ZBTB40: variants seen among roughly 807,000 people sequenced by gnomAD.
ZBTB40 encodes the protein zinc finger and BTB domain-containing protein 40.
In ZBTB40, 60 loss-of-function variants were observed where a neutral mutation model predicts 117.5. The observed-to-expected ratio is 0.51, with a 90% confidence interval of 0.41 to 0.63. The LOEUF (loss-of-function observed/expected upper bound fraction) is 0.63. ZBTB40 is among the 30% of genes least tolerant of loss of function. The pLI, the probability that ZBTB40 is intolerant of heterozygous loss-of-function variation, is 0.00. For missense variants in ZBTB40, 1,287 were observed against 1,498.5 expected (o/e 0.86, Z 2.33); for synonymous variants, 525 against 577.1 (o/e 0.91, Z 1.29).
intron 13 of ZBTB40, among the ~76,000 whole-genome samples, chr1:22,519,374 A>G (rs1639461626): frequency 6.6e-6 from 1 of 152,204 alleles, no homozygotes; most frequent in African/African-American, 2.4e-5. Context: ...TGGATTTGGG[A>G]GTGAGAGATG....
At chr1:22,507,466 A>G (rs1251517574) in intron 6 of ZBTB40, among the ~76,000 whole-genome samples, 1 of 152,238 alleles carries the variant, frequency 6.6e-6, no homozygotes, top group Non-Finnish European at 1.5e-5. Flanking sequence ...AGAAAAGGGT[A>G]CATTTTTAAT....
intron 1 of ZBTB40, among the ~76,000 whole-genome samples, chr1:22,433,431 T>TGAAAAAAAAAAAAAAAA (rs1557469690): frequency 2.3e-4 from 1 of 4,302 alleles, no homozygotes; most frequent in Non-Finnish European, 6.4e-4. Flanking sequence ...AGACGCCCTC[T>TGAAAAAAAAAAAAAAAA]CAAAAAAAAA....
intron 1 of ZBTB40, among the ~76,000 whole-genome samples, chr1:22,487,830 C>G: frequency 6.6e-6 from 1 of 152,074 alleles, no homozygotes; most frequent in African/African-American, 2.4e-5. Flanking sequence ...TTAGGATAAC[C>G]TCCAAGCTCG....
At chr1:22,467,821 C>T (rs1163311681) in intron 1 of ZBTB40, among the ~76,000 whole-genome samples, 2 of 145,934 alleles carry the variant, frequency 1.4e-5, no homozygotes, top group African/African-American at 5.1e-5. Flanking sequence ...AGGCTGGGCA[C>T]AGTAGCTTAT....
chr1:22,524,171 A>G, intron 16 of ZBTB40, 47 bp from the exon 17 acceptor site: 2 of 1,578,484 alleles, frequency 1.3e-6, no homozygotes, highest in Non-Finnish European at 1.7e-6. Context: ...CATTTTACCC[A>G]GAGAATTTTA....
chr1:22,481,826 T>C (rs1638330119), intron 1 of ZBTB40, among the ~76,000 whole-genome samples: 1 of 138,526 alleles, frequency 7.2e-6, no homozygotes, highest in African/African-American at 2.6e-5. Flanking sequence ...TCACATTACA[T>C]TGGTGTAATT....
At chr1:22,449,113 C>T (rs1049210140), upstream of ZBTB40, among the ~76,000 whole-genome samples, 4 of 152,122 alleles carry the variant, frequency 2.6e-5, no homozygotes, top group African/African-American at 7.2e-5. Flanking sequence ...CGCAGCCGGC[C>T]GGTTGTTATT....
At chr1:22,512,260 T>C (rs938915658) in intron 11 of ZBTB40, 126 bp downstream of exon 11, 1 of 1,054,980 alleles carries the variant, frequency 9.5e-7, no homozygotes, top group Non-Finnish European at 1.4e-6. Context: ...AGCAGGTTCC[T>C]ACAGAGGCAG....
Position 22,511,656 on chromosome 1 carries a change from G to C in ZBTB40, c.2003-20G>C. ...AGAAACAGAGAGTTCGCAGAGCCAC[G>C]AGATGTCTCTTTTATGCAGGTGTCC... On this transcript the variant is annotated intron_variant, in intron 10 of 17. Transcript: ENST00000375647. 10 of 1,610,348 alleles carry C rather than the reference G, an allele frequency of 6.2e-6. No homozygotes were observed. Among genetic ancestry groups the C allele is most frequent in the Non-Finnish European group, 8.5e-6 (10 of 1,178,738 alleles).
intron 5 of ZBTB40, among the ~76,000 whole-genome samples, chr1:22,503,340 T>C (rs1458410538): frequency 6.6e-6 from 1 of 150,834 alleles, no homozygotes; most frequent in Admixed American, 6.7e-5. Context: ...ATAAAACTGC[T>C]GGCATGACTT....
intron 1 of ZBTB40, among the ~76,000 whole-genome samples, chr1:22,441,290 A>G (rs772682664): frequency 2.0e-4 from 30 of 151,360 alleles, no homozygotes; most frequent in Non-Finnish European, 3.1e-4. Flanking sequence ...ACTCTCTTAT[A>G]CTCCATTTTA....
intron 6 of ZBTB40, among the ~76,000 whole-genome samples, chr1:22,506,888 A>G (rs1350579793): frequency 1.3e-5 from 2 of 152,202 alleles, no homozygotes; most frequent in African/African-American, 2.4e-5. Flanking sequence ...AAGCATGCCA[A>G]TATTAACACC....
chr1:22,474,955 A>AAAC (rs1278426427), intron 1 of ZBTB40, among the ~76,000 whole-genome samples: 3 of 151,690 alleles, frequency 2.0e-5, no homozygotes, highest in Non-Finnish European at 2.9e-5. Context: ...AAAAAAAAAA[A>AAAC]AACAGGTAAG....
chr1:22,443,881 G>A (rs2124368962), intron 1 of ZBTB40, among the ~76,000 whole-genome samples: 1 of 152,292 alleles, frequency 6.6e-6, no homozygotes, highest in African/African-American at 2.4e-5. Context: ...TGTTAATGCT[G>A]ATCAGTAGTG....
At chr1:22,430,408 G>A (rs1640563369) in intron 1 of ZBTB40, among the ~76,000 whole-genome samples, 1 of 152,138 alleles carries the variant, frequency 6.6e-6, no homozygotes, top group Non-Finnish European at 1.5e-5. Context: ...AGGTAACATA[G>A]CAAGACCCTG....
upstream of ZBTB40, among the ~76,000 whole-genome samples, chr1:22,448,497 A>G (rs1005481814): frequency 3.3e-5 from 5 of 152,148 alleles, no homozygotes; most frequent in African/African-American, 1.2e-4. Context: ...TAATAAACAC[A>G]TTTATTTTGT....
At chr1:22,447,131 G>T (rs913665820), upstream of ZBTB40, among the ~76,000 whole-genome samples, 4 of 151,670 alleles carry the variant, frequency 2.6e-5, no homozygotes, top group South Asian at 8.3e-4. Flanking sequence ...TCTAAATCTT[G>T]ATATGGTTGG....
In ZBTB40 at chr1:22,477,492, T is replaced by C. The variant is rs1350880293; in HGVS notation, c.-69-12388T>C. On this transcript the variant is annotated intron_variant, in intron 1 of 17. Coordinates refer to ENST00000375647, the MANE Select transcript of ZBTB40 (RefSeq NM_014870.4). ...GGTGAAACCCCGTCTCTACTAAAGA[T>C]ACAAAAATTAGCTGGGCATGGTGGC... 3.3e-5 allele frequency among the ~76,000 whole-genome samples: 5 copies of C among 151,828 alleles called. No homozygotes were observed. The East Asian group carries it at 9.7e-4, about 29-fold the overall frequency.
In ZBTB40 at chr1:22,479,409, A is replaced by G. The variant is rs1028897691; in HGVS notation, c.-69-10471A>G. On this transcript the variant is annotated intron_variant, in intron 1 of 17. Coordinates refer to ENST00000375647, the MANE Select transcript of ZBTB40 (RefSeq NM_014870.4). ...CTCTGAGTCTTTTATGTTTGTTTAT[A>G]AAGTCAGCCTGACCTGATAGTTTAT... Among the ~76,000 whole-genome samples, 7 of 152,172 alleles carry G rather than the reference A, an allele frequency of 4.6e-5. No homozygotes were observed. The South Asian group carries it at 1.2e-3, about 27-fold the overall frequency.
Sources: allele counts gnomAD v4.1 joint callset (sites outside exome capture counted in the v4.1 genomes callset), GRCh38; gene constraint gnomAD v4.1.1; transcripts MANE v1.5; gene names NCBI Gene and HGNC (gene_info 2026-07-23, HGNC 2026-07-21).